FYN: variants seen among roughly 807,000 people sequenced by gnomAD.
FYN encodes tyrosine-protein kinase Fyn.
FYN carries 10 observed loss-of-function variants against 70.2 expected under a neutral mutation model. The ratio of observed to expected loss-of-function variants is 0.14; its 90% CI spans 0.09 to 0.24. FYN has a LOEUF of 0.24. Ranked by LOEUF, FYN falls within the 10% of genes least tolerant of loss-of-function variation. FYN has a pLI of 1.00. For missense variants in FYN, 319 were observed against 673.1 expected (o/e 0.47, Z 5.82); for synonymous variants, 236 against 248.6 (o/e 0.95, Z 0.48).
chr6:111,822,957 G>T (rs529412795), intron 2 of FYN, among the ~76,000 whole-genome samples: 1 of 152,274 alleles, frequency 6.6e-6, no homozygotes, highest in South Asian at 2.1e-4. Flanking sequence ...AGCAGCAGTG[G>T]AAATACAACT....
chr6:111,828,650 A>T (rs1049829302), intron 2 of FYN, among the ~76,000 whole-genome samples: 2 of 152,224 alleles, frequency 1.3e-5, no homozygotes, highest in African/African-American at 2.4e-5. Flanking sequence ...GAAATCAGCC[A>T]GTTGTAGGAC....
chr6:111,663,072 C>A (rs1797832912), intron 13 of FYN, among the ~76,000 whole-genome samples: 1 of 152,224 alleles, frequency 6.6e-6, no homozygotes, highest in African/African-American at 2.4e-5. Context: ...CCAACTACTG[C>A]CAGCCACTAT....
chr6:111,690,302 G>T (rs1246586610), intron 12 of FYN, among the ~76,000 whole-genome samples: 4 of 152,074 alleles, frequency 2.6e-5, no homozygotes, highest in Non-Finnish European at 4.4e-5. Context: ...AGAACTCAGG[G>T]GAGGGCTGGA....
intron 2 of FYN, among the ~76,000 whole-genome samples, chr6:111,828,851 A>AC (rs1772921521): frequency 6.6e-6 from 1 of 152,240 alleles, no homozygotes; most frequent in Non-Finnish European, 1.5e-5. Flanking sequence ...ACTTAACACA[A>AC]CTGAATTGTA....
chr6:111,727,792 T>A (rs1008649313), intron 3 of FYN, among the ~76,000 whole-genome samples: 6 of 152,214 alleles, frequency 3.9e-5, no homozygotes, highest in African/African-American at 1.2e-4. Context: ...CTTAAAAATG[T>A]CATGTTACTT....
At chr6:111,797,711 T>TATATACAC (rs1554290407) in intron 2 of FYN, among the ~76,000 whole-genome samples, 6 of 101,254 alleles carry the variant, frequency 5.9e-5, no homozygotes, top group Admixed American at 2.1e-4. Context: ...TATATATATA[T>TATATACAC]ACACACACAC....
chr6:111,712,715 T>G (rs1800441178), intron 5 of FYN, among the ~76,000 whole-genome samples: 1 of 152,178 alleles, frequency 6.6e-6, no homozygotes, highest in Non-Finnish European at 1.5e-5. Flanking sequence ...GAGCCTTCAA[T>G]GAATGGTAGC....
intron 3 of FYN, among the ~76,000 whole-genome samples, chr6:111,760,807 C>T (rs1802974354): frequency 6.6e-6 from 1 of 152,196 alleles, no homozygotes; most frequent in South Asian, 2.1e-4. Context: ...GAAATGCCAA[C>T]CTTTTGATTC....
intron 2 of FYN, among the ~76,000 whole-genome samples, chr6:111,793,436 T>C (rs979514251): frequency 1.3e-5 from 2 of 152,140 alleles, no homozygotes; most frequent in Admixed American, 1.3e-4. Context: ...AGAAAGCCCT[T>C]GGGATAAACG....
intron 13 of FYN, among the ~76,000 whole-genome samples, chr6:111,670,420 A>G (rs1465753692): frequency 6.6e-6 from 1 of 152,020 alleles, no homozygotes; most frequent in Admixed American, 6.6e-5. Flanking sequence ...TTTTCTCCCT[A>G]GCTGTTACCA....
chr6:111,776,277 G>A (rs559360116), intron 3 of FYN, among the ~76,000 whole-genome samples: 1 of 152,284 alleles, frequency 6.6e-6, no homozygotes, highest in East Asian at 1.9e-4. Flanking sequence ...TGGAGCAGGG[G>A]CAGTGCTGGC....
chr6:111,725,638 T>C (rs1469276096), intron 3 of FYN, among the ~76,000 whole-genome samples: 1 of 152,220 alleles, frequency 6.6e-6, no homozygotes, highest in Non-Finnish European at 1.5e-5. Context: ...TCAGCACTGA[T>C]GCTGGGTTCA....
At chr6:111,718,083 A>C (rs1269900501) in intron 4 of FYN, among the ~76,000 whole-genome samples, 2 of 152,216 alleles carry the variant, frequency 1.3e-5, no homozygotes, top group Non-Finnish European at 2.9e-5. Context: ...TTCTTTAAAA[A>C]CAATTTAAAA....
chr6:111,865,014 A>G (rs1774066039), intron 1 of FYN, among the ~76,000 whole-genome samples: 1 of 152,118 alleles, frequency 6.6e-6, no homozygotes, highest in Admixed American at 6.5e-5. Flanking sequence ...TTCAGGGAGG[A>G]GTAGGTAGCT....
At chr6:111,798,100 T>A (rs1025187557) in intron 2 of FYN, among the ~76,000 whole-genome samples, 1 of 152,180 alleles carries the variant, frequency 6.6e-6, no homozygotes, top group Non-Finnish European at 1.5e-5. Flanking sequence ...TATCTCAATA[T>A]GGTGTGATTA....
At chr6:111,794,546 G>C (rs1202240509) in intron 2 of FYN, among the ~76,000 whole-genome samples, 1 of 152,206 alleles carries the variant, frequency 6.6e-6, no homozygotes, top group Non-Finnish European at 1.5e-5. Flanking sequence ...CCAGCCTGCG[G>C]ATCAGATCTG....
In FYN at chr6:111,684,402, A is replaced by G. The variant is rs552798995; in HGVS notation, c.1274-9772T>C. Among the ~76,000 whole-genome samples, 3 of 152,314 alleles carry G rather than the reference A, an allele frequency of 2.0e-5. No homozygotes were observed. In the East Asian group the frequency reaches 5.8e-4, roughly 29 times the overall value. ...TGGACAGAGAAGAGACAGAAGGTCC[A>G]TCAGTGGGTATTAAAAATTGAACCC... On this transcript the variant is annotated intron_variant, in intron 12 of 13. Coordinates refer to ENST00000354650, the MANE Select transcript of FYN (RefSeq NM_002037.5).
chr6:111,824,576 T>C (rs545696050), intron 2 of FYN, among the ~76,000 whole-genome samples: 9 of 152,358 alleles, frequency 5.9e-5, no homozygotes, highest in African/African-American at 2.2e-4. Flanking sequence ...ATTCTTCGTT[T>C]TCAGGTCACA....
intron 2 of FYN, among the ~76,000 whole-genome samples, chr6:111,822,639 T>A (rs1002745563): frequency 4.6e-5 from 7 of 150,634 alleles, no homozygotes; most frequent in African/African-American, 9.7e-5. Flanking sequence ...TATATATATA[T>A]AAAATTTAAA....
Sources: allele counts gnomAD v4.1 joint callset (sites outside exome capture counted in the v4.1 genomes callset), GRCh38; gene constraint gnomAD v4.1.1; transcripts MANE v1.5; gene names NCBI Gene and HGNC (gene_info 2026-07-23, HGNC 2026-07-21).